The following ADCY2 variants were observed in gnomAD, a reference collection of about 807,000 sequenced individuals.
ADCY2 encodes the protein adenylate cyclase type 2.
In ADCY2, 31 loss-of-function variants were observed where a neutral mutation model predicts 125.2. The ratio of observed to expected loss-of-function variants is 0.25; its 90% CI spans 0.19 to 0.33. ADCY2 has a LOEUF of 0.33. Ranked by LOEUF, ADCY2 falls within the 10% of genes least tolerant of loss-of-function variation. The pLI, the probability that ADCY2 is intolerant of heterozygous loss-of-function variation, is 1.00. For synonymous variants in ADCY2, 512 were observed against 548.4 expected, an observed-to-expected ratio of 0.93 and a Z score of 0.93; for missense variants, 904 against 1,418.2, an observed-to-expected ratio of 0.64 and a Z score of 5.82.
At chr5:7,421,255 A>G (rs1011101794) in intron 2 of ADCY2, among the ~76,000 whole-genome samples, 11 of 152,226 alleles carry the variant, frequency 7.2e-5, no homozygotes, top group African/African-American at 2.7e-4. Flanking sequence ...CTTAGAACAA[A>G]TAGAAGATAT....
At chr5:7,483,915 C>T (rs1363046700) in intron 2 of ADCY2, among the ~76,000 whole-genome samples, 3 of 152,144 alleles carry the variant, frequency 2.0e-5, no homozygotes, top group Non-Finnish European at 1.5e-5. Context: ...TATTTGCTTG[C>T]ATATTACTGG....
At chr5:7,414,127 C>T (rs6895544) in intron 1 of ADCY2, among the ~76,000 whole-genome samples, 48,343 of 152,020 alleles carry the variant, frequency 0.32, 8,464 homozygotes, top group African/African-American at 0.45. Context: ...AGCTCATCAC[C>T]ATAAAAACAG....
At chr5:7,674,591 A>C (rs901722098) in intron 4 of ADCY2, among the ~76,000 whole-genome samples, 1 of 152,170 alleles carries the variant, frequency 6.6e-6, no homozygotes, top group African/African-American at 2.4e-5. Flanking sequence ...CCAACCAAGC[A>C]ATGATTTTCA....
intron 4 of ADCY2, among the ~76,000 whole-genome samples, chr5:7,679,321 G>A (rs1740245485): frequency 1.3e-5 from 2 of 152,036 alleles, no homozygotes; most frequent in Admixed American, 1.3e-4. Context: ...AAAGAAAGGA[G>A]GAGGAAGAAA....
At chr5:7,585,912 T>C (rs550440948) in intron 3 of ADCY2, among the ~76,000 whole-genome samples, 6 of 152,374 alleles carry the variant, frequency 3.9e-5, no homozygotes, top group South Asian at 2.1e-4. Context: ...GCGATTTGTA[T>C]GTACATGGTG....
At chr5:7,446,549 C>A (rs1448838496) in intron 2 of ADCY2, among the ~76,000 whole-genome samples, 1 of 151,770 alleles carries the variant, frequency 6.6e-6, no homozygotes, top group Non-Finnish European at 1.5e-5. Context: ...TACATACATA[C>A]ATACATACAT....
intron 2 of ADCY2, among the ~76,000 whole-genome samples, chr5:7,440,723 G>A (rs952126868): frequency 5.3e-5 from 8 of 152,076 alleles, no homozygotes; most frequent in Non-Finnish European, 8.8e-5. Flanking sequence ...AAAACCCTAG[G>A]AAGCAGCAGA....
At chr5:7,403,032 G>A (rs924876933) in intron 1 of ADCY2, among the ~76,000 whole-genome samples, 4 of 152,120 alleles carry the variant, frequency 2.6e-5, no homozygotes, top group African/African-American at 9.7e-5. Context: ...ACATGATGCT[G>A]GGGTATTGCA....
intron 15 of ADCY2, among the ~76,000 whole-genome samples, chr5:7,745,405 G>A (rs1031154940): frequency 1.1e-4 from 16 of 152,154 alleles, no homozygotes; most frequent in Non-Finnish European, 2.1e-4. Context: ...CCAAAAATGG[G>A]ACTGTGGCTT....
intron 4 of ADCY2, among the ~76,000 whole-genome samples, chr5:7,688,898 G>A (rs1376167331): frequency 6.6e-6 from 1 of 152,156 alleles, no homozygotes; most frequent in Non-Finnish European, 1.5e-5. Flanking sequence ...TTTCCCAAAG[G>A]TCTAACCATT....
intron 4 of ADCY2, among the ~76,000 whole-genome samples, chr5:7,665,527 C>A (rs760820231): frequency 6.6e-6 from 1 of 152,146 alleles, no homozygotes; most frequent in East Asian, 1.9e-4. Context: ...GTGACTCCCC[C>A]CTTTGCAGGT....
At chr5:7,402,880 A>C (rs1019285007) in intron 1 of ADCY2, among the ~76,000 whole-genome samples, 2 of 152,230 alleles carry the variant, frequency 1.3e-5, no homozygotes, top group Non-Finnish European at 2.9e-5. Flanking sequence ...TGAATAAATC[A>C]GGTCTCTAGG....
At chr5:7,772,732 G>C (rs983281457) in intron 17 of ADCY2, among the ~76,000 whole-genome samples, 200 bp from the exon 18 acceptor site, 1 of 108,502 alleles carries the variant, frequency 9.2e-6, no homozygotes, top group African/African-American at 3.5e-5. Flanking sequence ...GAGTCGGAAA[G>C]CTTTGGATGA....
At chr5:7,538,445 T>C (rs549815728) in intron 3 of ADCY2, among the ~76,000 whole-genome samples, 1 of 152,314 alleles carries the variant, frequency 6.6e-6, no homozygotes, top group East Asian at 1.9e-4. Context: ...AAGTGTCCAA[T>C]AAACGGTGGC....
chr5:7,724,508 T>C, intron 12 of ADCY2, 37 bp from the exon 13 acceptor site: 11 of 1,512,712 alleles, frequency 7.3e-6, no homozygotes, highest in Non-Finnish European at 9.2e-6. Context: ...TGATTGGAGA[T>C]TCAGTTTTAT....
intron 4 of ADCY2, among the ~76,000 whole-genome samples, chr5:7,670,287 C>T (rs9313201): frequency 0.82 from 124,026 of 152,086 alleles, 50,864 homozygotes; most frequent in East Asian, 0.85. Context: ...TTGATTATTC[C>T]GTGTCTACCT....
intron 7 of ADCY2, among the ~76,000 whole-genome samples, chr5:7,702,225 C>CT (rs67174135): frequency 0.44 from 58,218 of 131,064 alleles, 12,828 homozygotes; most frequent in East Asian, 0.77. Context: ...AACCCTGTTT[C>CT]TTTTTTTTTT....
At chr5:7,654,122 A>G (rs924414547) in intron 4 of ADCY2, 1 of 456,074 alleles carries the variant, frequency 2.2e-6, no homozygotes, top group Non-Finnish European at 4.4e-6. Context: ...CCTGACATTC[A>G]GAGAGCCAGG....
chr5:7,657,686 G>T lies in ADCY2; in HGVS notation c.720+31370G>T, dbSNP rs372333477. On this transcript the variant is annotated intron_variant, in intron 4 of 24. Transcript: ENST00000338316. ...CACTAAGGGCGAAACACACGTGAGGGTTAATCACCTAAGTTCGCAAATCAA... is the reference window on the plus strand; with the variant it reads ...CACTAAGGGCGAAACACACGTGAGGTTTAATCACCTAAGTTCGCAAATCAA... Among the ~76,000 whole-genome samples the T allele has an allele frequency of 5.9e-5, 9 of 152,300 alleles. No homozygotes were observed. In the East Asian group the frequency reaches 1.5e-3, roughly 26 times the overall value.
Sources: gnomAD v4.1 joint callset for allele counts (sites outside exome capture counted in the v4.1 genomes callset) on GRCh38, gnomAD v4.1.1 for gene constraint, MANE v1.5 for transcripts, NCBI Gene and HGNC (gene_info 2026-07-23, HGNC 2026-07-21) for gene names.